KCNMA1: variants seen among roughly 807,000 people sequenced by gnomAD.
KCNMA1 encodes the protein potassium calcium-activated channel subfamily M alpha 1.
In KCNMA1, 29 loss-of-function variants were observed where a neutral mutation model predicts 140.0. That is an observed-to-expected ratio of 0.21 (90% CI 0.15 to 0.28). The LOEUF is 0.28. Ranked by LOEUF, KCNMA1 falls within the 10% of genes least tolerant of loss-of-function variation. The pLI, the probability that KCNMA1 is intolerant of heterozygous loss-of-function variation, is 1.00. For synonymous variants in KCNMA1, 612 were observed against 611.9 expected (o/e 1.00, Z 0.00); for missense variants, 880 against 1,602.2 (o/e 0.55, Z 7.70).
intron 1 of KCNMA1, among the ~76,000 whole-genome samples, chr10:77,547,122 T>C (rs1197120180): frequency 6.6e-6 from 1 of 152,094 alleles, no homozygotes. Flanking sequence ...AACTCCTCTG[T>C]CAAAATGAAA....
intron 2 of KCNMA1, among the ~76,000 whole-genome samples, chr10:77,318,645 A>G (rs890048443): frequency 3.3e-5 from 5 of 152,142 alleles, no homozygotes; most frequent in African/African-American, 1.2e-4. Context: ...AAATGAATTG[A>G]TGGTCAGTCC....
chr10:77,357,526 A>T (rs2093600992), intron 2 of KCNMA1, among the ~76,000 whole-genome samples: 1 of 152,216 alleles, frequency 6.6e-6, no homozygotes, highest in Admixed American at 6.6e-5. Flanking sequence ...ATCTTCCTGT[A>T]TTCCCCTGGT....
intron 1 of KCNMA1, among the ~76,000 whole-genome samples, chr10:77,452,546 G>T (rs865836001): frequency 1.3e-5 from 2 of 152,142 alleles, no homozygotes; most frequent in Non-Finnish European, 1.5e-5. Flanking sequence ...TTATAAATGC[G>T]CAAAAAAAGT....
At chr10:77,145,371 T>A (rs1220283169) in intron 5 of KCNMA1, among the ~76,000 whole-genome samples, 1 of 152,244 alleles carries the variant, frequency 6.6e-6, no homozygotes. Flanking sequence ...TATGCAAACG[T>A]ATGCACACAT....
At chr10:77,541,787 C>T (rs551201453) in intron 1 of KCNMA1, among the ~76,000 whole-genome samples, 1 of 152,172 alleles carries the variant, frequency 6.6e-6, no homozygotes, top group Non-Finnish European at 1.5e-5. Flanking sequence ...TTTGGCCCTA[C>T]CCTAGACCAA....
At chr10:77,209,376 G>C (rs941185060) in intron 3 of KCNMA1, among the ~76,000 whole-genome samples, 2 of 152,146 alleles carry the variant, frequency 1.3e-5, no homozygotes, top group Admixed American at 6.6e-5. Flanking sequence ...AATAGAGTAT[G>C]ACATTTATTC....
chr10:77,336,012 A>G (rs1281710666), intron 2 of KCNMA1, among the ~76,000 whole-genome samples: 3 of 152,200 alleles, frequency 2.0e-5, no homozygotes, highest in African/African-American at 7.2e-5. Flanking sequence ...AGATGCAGGG[A>G]CAGGTTGGGA....
intron 1 of KCNMA1, among the ~76,000 whole-genome samples, chr10:77,565,022 C>T (rs567599651): frequency 3.9e-5 from 6 of 152,302 alleles, no homozygotes; most frequent in East Asian, 3.9e-4. Context: ...GTCAGGCAGA[C>T]GGTGAGAAGG....
At position 77,281,440 on chromosome 10, in the gene KCNMA1, T is replaced by C. The variant is rs12778339; in HGVS notation, c.541-30184A>G. On this transcript the variant is annotated intron_variant, in intron 2 of 27. Transcript: ENST00000286628. ...ACTCAACCTATACAACTGTACATGG[T>C]GGCCATGAATGGAAGGACCACTCAT... Among the ~76,000 whole-genome samples the C allele has an allele frequency of 1.3e-3, 205 of 152,306 alleles. 1 individual carries two copies. The highest frequency in any genetic ancestry group is 6.4e-3 in the Admixed American group (98 of 15,296).
chr10:77,304,938 C>T (rs921371360), intron 2 of KCNMA1, among the ~76,000 whole-genome samples: 5 of 152,192 alleles, frequency 3.3e-5, no homozygotes, highest in African/African-American at 1.2e-4. Flanking sequence ...GACATGAGTG[C>T]TAGAACCAAG....
chr10:77,236,172 C>T (rs1215614082), intron 3 of KCNMA1, among the ~76,000 whole-genome samples: 4 of 152,172 alleles, frequency 2.6e-5, no homozygotes, highest in Non-Finnish European at 4.4e-5. Context: ...ATTGACAGTA[C>T]TCCTTGCGTG....
Position 77,637,786 on chromosome 10 carries a change from C to A in KCNMA1, c.-144G>T. Reference sequence around the variant, plus strand: ...GGAGCGCGGGAGGGGGGCGGGGAGGCGCCTGGGCTCGGGGCGCTGTGCGCG... The same window carrying A: ...GGAGCGCGGGAGGGGGGCGGGGAGGAGCCTGGGCTCGGGGCGCTGTGCGCG... On this transcript the variant is annotated 5_prime_UTR_variant, in exon 1 of 28. Transcript: ENST00000286628. 3 of 1,269,992 alleles carry A rather than the reference C, an allele frequency of 2.4e-6. No homozygotes were observed. Among genetic ancestry groups the A allele is most frequent in the Non-Finnish European group, 3.0e-6 (3 of 1,013,462 alleles). The allele number at this position is 1,269,992 out of a possible 1,614,324, so 78.7% of individuals were successfully genotyped here.
intron 9 of KCNMA1, among the ~76,000 whole-genome samples, chr10:77,102,299 G>A (rs2097117539): frequency 6.6e-6 from 1 of 152,190 alleles, no homozygotes. Flanking sequence ...CTAGAACCCT[G>A]GTGGACAAGA....
intron 12 of KCNMA1, among the ~76,000 whole-genome samples, chr10:77,080,677 A>G (rs1203240332): frequency 6.6e-6 from 1 of 152,150 alleles, no homozygotes; most frequent in Admixed American, 6.5e-5. Flanking sequence ...GGCCTGGAGC[A>G]GGGGCTGCCA....
intron 19 of KCNMA1, chr10:76,974,453 T>C (rs1269885944): frequency 3.0e-6 from 4 of 1,317,516 alleles, no homozygotes; most frequent in African/African-American, 1.5e-5. Flanking sequence ...AGGGTAGTTA[T>C]TAAAAATGGG....
chr10:77,129,643 A>C (rs2097812780), intron 5 of KCNMA1, among the ~76,000 whole-genome samples: 1 of 152,192 alleles, frequency 6.6e-6, no homozygotes, highest in African/African-American at 2.4e-5. Context: ...AATAGGAGAA[A>C]GCTGATTTTT....
chr10:77,606,540 T>C (rs915670954), intron 1 of KCNMA1, among the ~76,000 whole-genome samples: 7 of 151,630 alleles, frequency 4.6e-5, no homozygotes, highest in Non-Finnish European at 7.4e-5. Context: ...AGCTCAGGAG[T>C]TCAAGGCTGC....
chr10:77,400,809 G>C (rs2096239730), intron 2 of KCNMA1, among the ~76,000 whole-genome samples: 1 of 152,058 alleles, frequency 6.6e-6, no homozygotes, highest in Non-Finnish European at 1.5e-5. Flanking sequence ...TAACATATAA[G>C]GTTAGCACAG....
At chr10:77,613,851 T>C (rs1336337575) in intron 1 of KCNMA1, among the ~76,000 whole-genome samples, 1 of 152,180 alleles carries the variant, frequency 6.6e-6, no homozygotes, top group Non-Finnish European at 1.5e-5. Flanking sequence ...AATGAATTTG[T>C]CATTTTATCA....
Sources: gnomAD v4.1 joint callset for allele counts (sites outside exome capture counted in the v4.1 genomes callset) on GRCh38, gnomAD v4.1.1 for gene constraint, MANE v1.5 for transcripts, NCBI Gene and HGNC (gene_info 2026-07-23, HGNC 2026-07-21) for gene names.